Variants in CCND3 observed in about 807,000 individuals in gnomAD.
CCND3 encodes the protein G1/S-specific cyclin-D3.
CCND3 carries 9 observed loss-of-function variants against 28.7 expected under a neutral mutation model. That is an observed-to-expected ratio of 0.31 (90% confidence interval 0.19 to 0.55). The LOEUF (loss-of-function observed/expected upper bound fraction) is 0.55. Ranked by LOEUF, CCND3 falls within the 20% of genes least tolerant of loss-of-function variation. The probability of loss-of-function intolerance (pLI) is 0.93; values close to 1 mark genes in which losing one functional copy is unlikely to be tolerated. For synonymous variants in CCND3, 164 were observed against 163.9 expected (o/e 1.00, Z 0.00); for missense variants, 315 against 385.8 (o/e 0.82, Z 1.54).
chr6:42,023,175 C>T (rs1342703476), intron 1 of CCND3, among the ~76,000 whole-genome samples: 1 of 152,210 alleles, frequency 6.6e-6, no homozygotes, highest in Non-Finnish European at 1.5e-5. Context: ...CTGCCTGTTT[C>T]AGCTCTCGTA....
Position 41,990,660 on chromosome 6 carries a change from A to ATTTTTTTTTTTT in CCND3, c.-45-50087_-45-50076dup, listed in dbSNP as rs67939325. Reference sequence around the variant, plus strand: ...TAGTCCATGAATCTATAACCAACTGATTTTTTTTTTTTTTTTTTTTTTTTT... The same window carrying ATTTTTTTTTTTT: ...TAGTCCATGAATCTATAACCAACTGATTTTTTTTTTTTTTTTTTTTTTTTTTTTTTTTTTTTT... On this transcript the variant is annotated intron_variant, in intron 1 of 4. Coordinates refer to the CCND3 transcript ENST00000372988. 6.5e-4 allele frequency among the ~76,000 whole-genome samples: 79 copies of ATTTTTTTTTTTT among 121,274 alleles called. 38 individuals are homozygous for ATTTTTTTTTTTT. The highest frequency in any genetic ancestry group is 4.0e-4 in the Non-Finnish European group (24 of 60,716). The allele number at this position is 121,274 out of a possible 152,430, so 79.6% of individuals were successfully genotyped here.
chr6:42,036,995 G>T (rs1341471022), intron 1 of CCND3, among the ~76,000 whole-genome samples: 1 of 152,164 alleles, frequency 6.6e-6, no homozygotes, highest in African/African-American at 2.4e-5. Context: ...CTGGAATGCA[G>T]TGGCGTGATC....
intron 1 of CCND3, among the ~76,000 whole-genome samples, chr6:41,972,022 G>T (rs1762043710): frequency 6.7e-6 from 1 of 149,334 alleles, no homozygotes; most frequent in Non-Finnish European, 1.5e-5. Context: ...TCAGGAGATC[G>T]AGACCATCCT....
At chr6:42,015,415 T>A (rs1040967721) in intron 1 of CCND3, among the ~76,000 whole-genome samples, 11 of 152,054 alleles carry the variant, frequency 7.2e-5, no homozygotes, top group East Asian at 3.9e-4. Flanking sequence ...TATTTTATTT[T>A]AAAAAAAAGT....
upstream of CCND3, among the ~76,000 whole-genome samples, chr6:42,049,457 C>T (rs1308937744): frequency 1.3e-5 from 2 of 152,226 alleles, no homozygotes; most frequent in Admixed American, 6.5e-5. Flanking sequence ...AGGTCAAGTG[C>T]CCGAAGTACC....
chr6:42,009,008 C>T (rs912442301), intron 1 of CCND3, among the ~76,000 whole-genome samples: 1 of 152,156 alleles, frequency 6.6e-6, no homozygotes, highest in African/African-American at 2.4e-5. Context: ...GTCTTCTTTC[C>T]GCCTTCTTCT....
In CCND3 at chr6:41,936,758, C is replaced by T; in HGVS notation, c.575-63G>A. On this transcript the variant is annotated intron_variant, in intron 3 of 4. Coordinates refer to ENST00000372991, the MANE Select transcript of CCND3 (RefSeq NM_001760.5). The surrounding 1 kb of genome is among the most constrained non-coding windows in gnomAD (Gnocchi z 4.4). ...CCTGAAGGATAACGGCCAGCATGGA[C>T]TTCCGACTCCTTGGAAAGTGCCAGG... 2 of 1,551,476 alleles carry T rather than the reference C, an allele frequency of 1.3e-6. No individual in the cohort carries two copies. The highest frequency in any genetic ancestry group is 8.8e-7 in the Non-Finnish European group (1 of 1,137,912).
chr6:41,942,048 C>T (rs1776054161), upstream of CCND3, among the ~76,000 whole-genome samples: 1 of 152,180 alleles, frequency 6.6e-6, no homozygotes, highest in Admixed American at 6.5e-5. Flanking sequence ...CCCACGGGCC[C>T]TCCCATTTTG....
At chr6:41,942,079 C>G (rs944365972), upstream of CCND3, among the ~76,000 whole-genome samples, 3 of 152,180 alleles carry the variant, frequency 2.0e-5, no homozygotes, top group African/African-American at 7.2e-5. Context: ...TCTAGTCACC[C>G]AGGAAACAAT....
intron 1 of CCND3, chr6:41,940,891 G>T (rs780365620): frequency 3.4e-6 from 5 of 1,472,670 alleles, no homozygotes; most frequent in Non-Finnish European, 4.8e-6. Context: ...GGACGCAAGG[G>T]TCACCCATGG....
At chr6:41,942,730 T>C (rs1335898875), upstream of CCND3, among the ~76,000 whole-genome samples, 2 of 152,106 alleles carry the variant, frequency 1.3e-5, no homozygotes, top group African/African-American at 2.4e-5. Context: ...TACCGGAAGC[T>C]AGATTCCACT....
In CCND3 at chr6:41,940,362, ACACGCACC is replaced by A. The variant is rs1470070771; in HGVS notation, c.414_414+7del. 6.2e-7 allele frequency: 1 copy of A among 1,610,628 alleles called. No homozygotes were observed. The highest frequency in any genetic ancestry group is 2.2e-5 in the East Asian group (1 of 44,854). ...ACGTGTCGGGGGTGGGGGGAGTTAC[ACACGCACC>A]CGCAACTGGCGGGGAGAGACAGCGT... On this transcript the variant is annotated splice_donor_variant and splice_donor_5th_base_variant and coding_sequence_variant and intron_variant, in exon 2 of 5. Coordinates refer to ENST00000372991, the MANE Select transcript of CCND3 (RefSeq NM_001760.5). LOFTEE classifies it high-confidence loss of function.
At chr6:41,964,525 T>C (rs1761830740) in intron 1 of CCND3, among the ~76,000 whole-genome samples, 1 of 152,204 alleles carries the variant, frequency 6.6e-6, no homozygotes, top group South Asian at 2.1e-4. Flanking sequence ...AGTGTGTATG[T>C]GTGTGCATGC....
At chr6:42,008,810 C>T (rs1763252260) in intron 1 of CCND3, among the ~76,000 whole-genome samples, 1 of 152,118 alleles carries the variant, frequency 6.6e-6, no homozygotes, top group Admixed American at 6.6e-5. Context: ...ATGGTGGATC[C>T]CTCCCAAGTC....
intron 1 of CCND3, among the ~76,000 whole-genome samples, chr6:42,015,223 C>T (rs571820467): frequency 6.6e-6 from 1 of 152,176 alleles, no homozygotes; most frequent in East Asian, 1.9e-4. Context: ...AATGGACACC[C>T]TTAACCACTC....
At chr6:41,946,030 A>C (rs1776157771), upstream of CCND3, among the ~76,000 whole-genome samples, 1 of 152,140 alleles carries the variant, frequency 6.6e-6, no homozygotes, top group East Asian at 1.9e-4. Context: ...CCTGGCTTCT[A>C]ACGGTAAACG....
At chr6:41,984,508 G>A (rs1224096167) in intron 1 of CCND3, among the ~76,000 whole-genome samples, 1 of 152,026 alleles carries the variant, frequency 6.6e-6, no homozygotes, top group Non-Finnish European at 1.5e-5. Flanking sequence ...CACTACACCC[G>A]GCTAATTTTT....
intron 1 of CCND3, among the ~76,000 whole-genome samples, chr6:41,964,291 TGTGA>T (rs779259168): frequency 1.3e-3 from 194 of 152,054 alleles, no homozygotes; most frequent in African/African-American, 1.8e-3. Flanking sequence ...TGTGTGTGTG[TGTGA>T]GTATGTGTGA....
chr6:41,991,801 G>A lies in CCND3; in HGVS notation c.-45-51216C>T, dbSNP rs375664627. Among the ~76,000 whole-genome samples the A allele has an allele frequency of 4.6e-5, 7 of 152,042 alleles. No homozygotes were observed. In the South Asian group the frequency reaches 1.2e-3, roughly 27 times the overall value. On this transcript the variant is annotated intron_variant, in intron 1 of 4. Coordinates refer to the CCND3 transcript ENST00000372988. ...TTTCTGTTCTACTTTTTCCTTCTAT[G>A]ACATCAGCTTTTTAAAGCTTCCACG...
Sources: allele counts gnomAD v4.1 joint callset (sites outside exome capture counted in the v4.1 genomes callset), GRCh38; gene constraint gnomAD v4.1.1; non-coding constraint Gnocchi (gnomAD v3.1); transcripts MANE v1.5; gene names NCBI Gene and HGNC (gene_info 2026-07-23, HGNC 2026-07-21).